Variants in IFT140 observed in about 807,000 individuals in gnomAD.
IFT140 encodes the protein intraflagellar transport protein 140 homolog.
A neutral mutation model predicts 164.6 loss-of-function variants in IFT140; 133 were observed. The ratio of observed to expected loss-of-function variants is 0.81; its 90% confidence interval spans 0.70 to 0.93. The LOEUF (loss-of-function observed/expected upper bound fraction) is 0.93, where lower values mean the gene tolerates loss of function less well. IFT140 is among the 40% of genes least tolerant of loss of function. The probability of loss-of-function intolerance (pLI) is 0.00; values close to 1 mark genes in which losing one functional copy is unlikely to be tolerated. For missense variants in IFT140, 2,045 were observed against 1,972.3 expected (o/e 1.04, Z -0.70); for synonymous variants, 860 against 817.3 (o/e 1.05, Z -0.89).
chr16:1,571,436 A>G lies in IFT140; in HGVS notation c.1623T>C (p.Ala541=), dbSNP rs1269165048. The G allele has an allele frequency of 6.2e-7, 1 of 1,614,158 alleles. No homozygotes were observed. Among genetic ancestry groups the G allele is most frequent in the East Asian group, 2.2e-5 (1 of 44,888 alleles). ...GGGAAAGATCAAAGCTTTTAAAGTG[A>G]GCCAAGTCTGTCCCTACAACCAGGA... ...GNFLVVGTDL[A]HFKSFDLSRR... is the part of the protein sequence containing the mutation. Residue 541 remains alanine, a synonymous_variant, in exon 14 of 31, where the codon GCT becomes GCC. Coordinates refer to ENST00000426508, the MANE Select transcript of IFT140 (RefSeq NM_014714.4).
chr16:1,572,463 G>A (rs2034071838), intron 13 of IFT140, among the ~76,000 whole-genome samples: 1 of 152,086 alleles, frequency 6.6e-6, no homozygotes, highest in African/African-American at 2.4e-5. Context: ...AGGCTAACAC[G>A]GTGAAACCCC....
chr16:1,522,529 C>G (rs1287485379), intron 26 of IFT140, among the ~76,000 whole-genome samples: 1 of 151,784 alleles, frequency 6.6e-6, no homozygotes, highest in Non-Finnish European at 1.5e-5. Flanking sequence ...GAGTGAAACT[C>G]CATTTCAAAA....
intron 18 of IFT140, 149 bp from the exon 19 acceptor site, chr16:1,558,283 G>C: frequency 2.6e-6 from 2 of 766,898 alleles, no homozygotes; most frequent in East Asian, 5.4e-5. Flanking sequence ...GTCCCTGCCA[G>C]ATGCCCTGAA....
At chr16:1,597,912 A>G (rs1344640748) in intron 4 of IFT140, among the ~76,000 whole-genome samples, 1 of 152,182 alleles carries the variant, frequency 6.6e-6, no homozygotes, top group African/African-American at 2.4e-5. Context: ...GCATGTCACC[A>G]TGCCTGGCTT....
chr16:1,596,690 AG>A (rs1289789044), intron 4 of IFT140, among the ~76,000 whole-genome samples: 16 of 152,304 alleles, frequency 1.1e-4, no homozygotes, highest in African/African-American at 3.8e-4. Context: ...CCTGATCCTC[AG>A]GTTTCTGCCC....
intron 20 of IFT140, 55 bp downstream of exon 20, chr16:1,526,564 G>A (rs945446416): frequency 2.2e-5 from 31 of 1,435,532 alleles, no homozygotes; most frequent in African/African-American, 2.0e-4. Flanking sequence ...CCAGGGGGCC[G>A]TGGCTGTGGC....
chr16:1,553,839 G>A lies in IFT140; in HGVS notation c.2399+4096C>T. The A allele has an allele frequency of 8.2e-7, 1 of 1,213,890 alleles. No homozygotes were observed. The highest frequency in any genetic ancestry group is 1.0e-6 in the Non-Finnish European group (1 of 952,654). The allele number at this position is 1,213,890 out of a possible 1,614,324, so 75.2% of individuals were successfully genotyped here. On this transcript the variant is annotated intron_variant, in intron 19 of 30. Transcript: ENST00000426508. This position sits in a 1 kb window ranked among gnomAD's most constrained non-coding sequence, Gnocchi z 4.4. ...TAGGACGCCCGGCTCCATCGCTGCGGCCACAGTGTCCTGTTATCCTAGTTG... is the reference window on the plus strand; with the variant it reads ...TAGGACGCCCGGCTCCATCGCTGCGACCACAGTGTCCTGTTATCCTAGTTG...
intron 28 of IFT140, 35 bp downstream of exon 28, chr16:1,520,096 C>A (rs149277718): frequency 1.2e-6 from 2 of 1,610,926 alleles, no homozygotes; most frequent in South Asian, 1.1e-5. Context: ...CAGCCCTCCC[C>A]GGGGCCCCGC....
At chr16:1,571,184 T>C (rs898291681) in intron 14 of IFT140, among the ~76,000 whole-genome samples, 2 of 152,232 alleles carry the variant, frequency 1.3e-5, no homozygotes, top group African/African-American at 4.8e-5. Flanking sequence ...CACCACTCCC[T>C]GTGCTTCAAC....
At chr16:1,522,321 G>A (rs2040548967) in intron 26 of IFT140, among the ~76,000 whole-genome samples, 1 of 151,720 alleles carries the variant, frequency 6.6e-6, no homozygotes, top group Non-Finnish European at 1.5e-5. Flanking sequence ...TGTGCCACTG[G>A]ACTGCAGTCT....
Position 1,553,583 on chromosome 16 carries a change from C to T in IFT140, c.2399+4352G>A. ...GTTTAATCTGGACCAGTGTAAGTTA[C>T]AGAGAGTCTCTGGCACTTTGGGTAC... On this transcript the variant is annotated intron_variant, in intron 19 of 30. Coordinates refer to ENST00000426508, the MANE Select transcript of IFT140 (RefSeq NM_014714.4). This position sits in a 1 kb window ranked among gnomAD's most constrained non-coding sequence, Gnocchi z 4.4. 9.8e-7 allele frequency: 1 copy of T among 1,023,516 alleles called. No homozygotes were observed. 63.4% of individuals were successfully genotyped at this position (1,023,516 alleles called of 1,614,324 possible).
intron 15 of IFT140, among the ~76,000 whole-genome samples, chr16:1,567,978 G>A (rs925690929): frequency 6.6e-6 from 1 of 152,212 alleles, no homozygotes; most frequent in Non-Finnish European, 1.5e-5. Context: ...GAAAGGCAGG[G>A]GACAGAAGAT....
chr16:1,571,426 T>C lies in IFT140; in HGVS notation c.1633A>G (p.Ser545Gly). The C allele has an allele frequency of 6.2e-7, 1 of 1,613,418 alleles. No individual in the cohort carries two copies. The highest frequency in any genetic ancestry group is 1.7e-4 in the Middle Eastern group (1 of 6,054). ...VVGTDLAHFKSFDLSRREAKA... is the reference protein window; with the variant it reads ...VVGTDLAHFKGFDLSRREAKA... Reference sequence around the variant, plus strand: ...ATTTACCTTCGGGAAAGATCAAAGCTTTTAAAGTGAGCCAAGTCTGTCCCT... The same window carrying C: ...ATTTACCTTCGGGAAAGATCAAAGCCTTTAAAGTGAGCCAAGTCTGTCCCT... Residue 545 changes from serine (S) to glycine (G), a missense_variant, in exon 14 of 31, where the codon AGC (serine) becomes GGC (glycine). By Grantham distance (56) the Ser-to-Gly change is moderately conservative. Coordinates refer to ENST00000426508, the MANE Select transcript of IFT140 (RefSeq NM_014714.4).
At chr16:1,605,467 G>A (rs1426283754) in intron 3 of IFT140, among the ~76,000 whole-genome samples, 2 of 152,122 alleles carry the variant, frequency 1.3e-5, no homozygotes, top group African/African-American at 4.8e-5. Flanking sequence ...GTGCAGTGGC[G>A]TGATCTCGGC....
chr16:1,537,937 C>T (rs78140717), intron 19 of IFT140, among the ~76,000 whole-genome samples: 9,812 of 152,308 alleles, frequency 0.064, 551 homozygotes, highest in Admixed American at 0.18. Context: ...ACAGAGCTCC[C>T]GGGCTTCACC....
chr16:1,580,488 G>A (rs909187242), intron 13 of IFT140: 6 of 337,792 alleles, frequency 1.8e-5, no homozygotes, highest in Middle Eastern at 9.3e-4. Context: ...CTCCTGCTCC[G>A]GCTATGTAGG....
chr16:1,517,205 A>ACCC (rs1183323134), intron 30 of IFT140, among the ~76,000 whole-genome samples: 1 of 152,086 alleles, frequency 6.6e-6, no homozygotes, highest in Admixed American at 6.5e-5. Flanking sequence ...CCCCATCTCT[A>ACCC]CAGGCATGCT....
chr16:1,606,682 A>T (rs1296631163), intron 3 of IFT140, among the ~76,000 whole-genome samples: 1 of 152,090 alleles, frequency 6.6e-6, no homozygotes, highest in African/African-American at 2.4e-5. Context: ...CTGGTCTCGA[A>T]CCCCTAACCT....
At chr16:1,597,033 G>A (rs2035498120) in intron 4 of IFT140, among the ~76,000 whole-genome samples, 1 of 152,206 alleles carries the variant, frequency 6.6e-6, no homozygotes, top group African/African-American at 2.4e-5. Flanking sequence ...AAAGTGGCGT[G>A]CGCTGGATGA....
Sources: gnomAD v4.1 joint callset for allele counts (sites outside exome capture counted in the v4.1 genomes callset) on GRCh38, gnomAD v4.1.1 for gene constraint, Gnocchi (gnomAD v3.1) non-coding constraint, MANE v1.5 for transcripts, NCBI Gene and HGNC (gene_info 2026-07-23, HGNC 2026-07-21) for gene names.